The following PDE4D variants were observed in gnomAD, a reference collection of about 807,000 sequenced individuals.
The protein encoded by PDE4D is phosphodiesterase 4D.
A neutral mutation model predicts 87.4 loss-of-function variants in PDE4D; 24 were observed. The observed-to-expected ratio is 0.27, with a 90% confidence interval of 0.20 to 0.39. The LOEUF is 0.39. PDE4D is among the 10% of genes least tolerant of loss of function. PDE4D has a pLI of 1.00. For missense variants in PDE4D, 714 were observed against 1,041.0 expected (o/e 0.69, Z 4.32); for synonymous variants, 384 against 383.2 (o/e 1.00, Z -0.02).
intron 1 of PDE4D, among the ~76,000 whole-genome samples, chr5:60,221,717 T>C (rs60343947): frequency 4.3e-3 from 648 of 152,266 alleles, no homozygotes; most frequent in African/African-American, 0.015. Context: ...GTATATATTA[T>C]CTTTTTCTTC....
intron 1 of PDE4D, among the ~76,000 whole-genome samples, chr5:60,191,020 T>A (rs908314055): frequency 6.6e-6 from 1 of 152,166 alleles, no homozygotes; most frequent in African/African-American, 2.4e-5. Context: ...TTCTACCTCT[T>A]GGCCTTAGAT....
At chr5:59,979,481 A>T in intron 3 of PDE4D, among the ~76,000 whole-genome samples, 1 of 150,424 alleles carries the variant, frequency 6.6e-6, no homozygotes, top group African/African-American at 2.4e-5. Context: ...ACTGTTTAGG[A>T]ATTACGTCAT....
intron 1 of PDE4D, among the ~76,000 whole-genome samples, chr5:60,400,383 G>A (rs545314640): frequency 4.0e-5 from 6 of 151,546 alleles, no homozygotes; most frequent in Non-Finnish European, 7.4e-5. Flanking sequence ...TTAGCCAGGC[G>A]TGGTGGCAGG....
At chr5:59,034,143 T>C (rs1758078120) in intron 6 of PDE4D, among the ~76,000 whole-genome samples, 1 of 152,224 alleles carries the variant, frequency 6.6e-6, no homozygotes, top group Admixed American at 6.5e-5. Context: ...ATATTAACTT[T>C]AAGGTACTAC....
At chr5:59,014,931 G>A (rs10472089) in intron 6 of PDE4D, among the ~76,000 whole-genome samples, 15,312 of 152,052 alleles carry the variant, frequency 0.1, 1,034 homozygotes, top group Non-Finnish European at 0.13. Flanking sequence ...AGAGATATAG[G>A]CCAATGGAAC....
intron 1 of PDE4D, among the ~76,000 whole-genome samples, chr5:60,450,695 G>A (rs998039659): frequency 6.6e-6 from 1 of 152,074 alleles, no homozygotes; most frequent in African/African-American, 2.4e-5. Context: ...CATGACACAA[G>A]AGTATGACAT....
intron 3 of PDE4D, among the ~76,000 whole-genome samples, chr5:59,903,445 G>A (rs1028731326): frequency 7.9e-5 from 12 of 152,016 alleles, no homozygotes; most frequent in Admixed American, 2.0e-4. Context: ...TGAGGCACTC[G>A]TCTAATGTTT....
chr5:59,855,257 G>A (rs958580875), intron 1 of PDE4D, among the ~76,000 whole-genome samples: 3 of 152,098 alleles, frequency 2.0e-5, no homozygotes, highest in Non-Finnish European at 4.4e-5. Flanking sequence ...ACACTATCAC[G>A]CTTCCTCTAG....
chr5:59,038,116 G>A (rs1471804695), intron 6 of PDE4D, among the ~76,000 whole-genome samples: 1 of 152,128 alleles, frequency 6.6e-6, no homozygotes, highest in Non-Finnish European at 1.5e-5. Context: ...AAAAAATACA[G>A]CAAAACTGAA....
intron 2 of PDE4D, among the ~76,000 whole-genome samples, chr5:60,134,864 C>G (rs1196111676): frequency 6.6e-6 from 1 of 152,108 alleles, no homozygotes; most frequent in Non-Finnish European, 1.5e-5. Flanking sequence ...TACAGAGGGC[C>G]AAGTGTACTG....
intron 1 of PDE4D, among the ~76,000 whole-genome samples, chr5:59,395,221 A>G (rs1207579260): frequency 6.6e-6 from 1 of 152,052 alleles, no homozygotes; most frequent in Non-Finnish European, 1.5e-5. Flanking sequence ...AACTGGGTGG[A>G]GCCCACCACA....
At chr5:58,986,770 A>G (rs1746520900) in intron 11 of PDE4D, among the ~76,000 whole-genome samples, 1 of 152,172 alleles carries the variant, frequency 6.6e-6, no homozygotes, top group Admixed American at 6.5e-5. Flanking sequence ...TAAGGGCTCA[A>G]AAGAATGAAG....
At chr5:59,296,810 C>T (rs1230146311) in intron 1 of PDE4D, among the ~76,000 whole-genome samples, 1 of 151,632 alleles carries the variant, frequency 6.6e-6, no homozygotes, top group African/African-American at 2.4e-5. Context: ...CGTGCATGCA[C>T]GTAAAAAGCA....
intron 2 of PDE4D, among the ~76,000 whole-genome samples, chr5:60,096,061 A>G (rs942012803): frequency 6.6e-5 from 10 of 152,016 alleles, no homozygotes; most frequent in African/African-American, 9.7e-5. Context: ...CACTCTGATG[A>G]TACTTTCTTT....
rs568763356 is a variant in PDE4D at position 60,112,986 on chromosome 5, C to CA, written c.42+72570dup. On this transcript the variant is annotated intron_variant, in intron 2 of 16. Coordinates refer to the PDE4D transcript ENST00000502484. ...AAGGGTGAGGGTTGGGCATCCAATC[C>CA]AGGGAGATGAGACGTACGTCAACTT... Among the ~76,000 whole-genome samples, 1,101 of 152,134 alleles carry CA rather than the reference C, an allele frequency of 7.2e-3. 6 individuals carry two copies. Among genetic ancestry groups the CA allele is most frequent in the Middle Eastern group, 0.048 (14 of 294 alleles).
intron 6 of PDE4D, among the ~76,000 whole-genome samples, chr5:59,037,630 T>C (rs879524021): frequency 2.6e-5 from 4 of 152,130 alleles, no homozygotes; most frequent in Non-Finnish European, 4.4e-5. Context: ...AGTGTGGACA[T>C]GGGTAGGTCA....
At chr5:59,069,521 T>G (rs1014895548) in intron 5 of PDE4D, among the ~76,000 whole-genome samples, 11 of 149,780 alleles carry the variant, frequency 7.3e-5, no homozygotes, top group Admixed American at 2.7e-4. Context: ...GCTTTTTTTT[T>G]TTTTTCCCTA....
intron 1 of PDE4D, among the ~76,000 whole-genome samples, chr5:59,892,773 C>T (rs1430309163): frequency 1.3e-5 from 2 of 152,046 alleles, no homozygotes; most frequent in African/African-American, 4.8e-5. Flanking sequence ...AAAACCTTCA[C>T]CTTCTCTTCT....
At chr5:60,245,825 A>C (rs1583197731) in intron 1 of PDE4D, among the ~76,000 whole-genome samples, 1 of 34,842 alleles carries the variant, frequency 2.9e-5, no homozygotes, top group African/African-American at 2.0e-4. Flanking sequence ...TAATGAGTAC[A>C]AAAAAAATAG....
Sources: gnomAD v4.1 joint callset for allele counts (sites outside exome capture counted in the v4.1 genomes callset) on GRCh38, gnomAD v4.1.1 for gene constraint, MANE v1.5 for transcripts, NCBI Gene and HGNC (gene_info 2026-07-23, HGNC 2026-07-21) for gene names.